Variants in USP25 observed in about 807,000 individuals in gnomAD.
The protein encoded by USP25 is ubiquitin carboxyl-terminal hydrolase 25.
USP25 carries 85 observed loss-of-function variants against 158.5 expected under a neutral mutation model. The observed-to-expected ratio is 0.54, with a 90% CI of 0.45 to 0.64. USP25 has a LOEUF of 0.64. Among genes scored for constraint, USP25 ranks in the 30% least tolerant of loss-of-function variants. USP25 has a pLI of 0.00. For missense variants in USP25, 1,242 were observed against 1,327.3 expected (o/e 0.94, Z 1.00); for synonymous variants, 464 against 460.4 (o/e 1.01, Z -0.10).
chr21:15,831,304 A>T, intron 15 of USP25, 97 bp from the exon 16 acceptor site: 1 of 1,148,790 alleles, frequency 8.7e-7, no homozygotes, highest in Non-Finnish European at 1.3e-6. Flanking sequence ...AAATGCTCTT[A>T]TGGTTTTCTC....
At chr21:15,851,444 GCTCT>G (rs750289839) in intron 20 of USP25, among the ~76,000 whole-genome samples, 202 of 151,772 alleles carry the variant, frequency 1.3e-3, no homozygotes, top group Non-Finnish European at 2.4e-3. Context: ...TGAATGATGA[GCTCT>G]CTTTCTTTTC....
At chr21:15,798,566 A>C (rs1192926487) in intron 5 of USP25, among the ~76,000 whole-genome samples, 1 of 151,258 alleles carries the variant, frequency 6.6e-6, no homozygotes, top group Non-Finnish European at 1.5e-5. Flanking sequence ...AGCAGTCACA[A>C]GACTGTAATC....
chr21:15,774,146 A>G (rs2034508874), intron 3 of USP25, among the ~76,000 whole-genome samples: 6 of 152,216 alleles, frequency 3.9e-5, no homozygotes. Context: ...TCGAAATCAC[A>G]TCAGTTATTC....
chr21:15,758,630 A>G (rs1287376899), intron 1 of USP25, among the ~76,000 whole-genome samples: 2 of 152,172 alleles, frequency 1.3e-5, no homozygotes, highest in African/African-American at 4.8e-5. Flanking sequence ...CATGCTGCTA[A>G]TAAAGACATA....
chr21:15,796,499 G>T (rs74801911), intron 5 of USP25, among the ~76,000 whole-genome samples: 1 of 151,374 alleles, frequency 6.6e-6, no homozygotes, highest in Non-Finnish European at 1.5e-5. Context: ...TGACTGCTGC[G>T]TAGTTGAGGA....
At chr21:15,794,237 C>T (rs1178857114) in intron 5 of USP25, among the ~76,000 whole-genome samples, 2 of 151,378 alleles carry the variant, frequency 1.3e-5, no homozygotes, top group East Asian at 3.9e-4. Flanking sequence ...GCTTTGCATA[C>T]TTATTATTTT....
In USP25 at chr21:15,739,652, T is replaced by C. The variant is rs149498829; in HGVS notation, c.45+9214T>C. Among the ~76,000 whole-genome samples the C allele has an allele frequency of 4.9e-4, 75 of 152,324 alleles. 1 individual carries two copies. Among genetic ancestry groups the C allele is most frequent in the Non-Finnish European group, 9.4e-4 (64 of 68,032 alleles). ...TACAGGGTCTTTCTTCCCCTGACAC[T>C]GGCATAATTTTACTCTCTAATGTCA... On this transcript the variant is annotated intron_variant, in intron 1 of 25. Transcript: ENST00000400183.
At chr21:15,828,330 C>A (rs1240908716) in intron 14 of USP25, among the ~76,000 whole-genome samples, 1 of 152,156 alleles carries the variant, frequency 6.6e-6, no homozygotes, top group Non-Finnish European at 1.5e-5. Context: ...ATTTTCTACT[C>A]CTCATGGCAG....
chr21:15,858,761 T>C (rs996306708), intron 20 of USP25, among the ~76,000 whole-genome samples: 4 of 152,092 alleles, frequency 2.6e-5, no homozygotes, highest in African/African-American at 9.7e-5. Flanking sequence ...TTTAGTATTA[T>C]GTATAATGTG....
chr21:15,865,095 T>G (rs1419305088), intron 21 of USP25, among the ~76,000 whole-genome samples: 1 of 152,148 alleles, frequency 6.6e-6, no homozygotes, highest in Non-Finnish European at 1.5e-5. Context: ...AAATATTCTA[T>G]AGAATATTTC....
chr21:15,863,878 T>C (rs900740914), intron 20 of USP25, among the ~76,000 whole-genome samples: 1 of 151,698 alleles, frequency 6.6e-6, no homozygotes, highest in Admixed American at 6.6e-5. Flanking sequence ...CTACTAAAAA[T>C]ACAAAAAATT....
chr21:15,765,124 G>A lies in USP25; in HGVS notation c.124-873G>A, dbSNP rs1387370342. Among the ~76,000 whole-genome samples, 3 of 152,178 alleles carry A rather than the reference G, an allele frequency of 2.0e-5. No homozygotes were observed. In the East Asian group the frequency reaches 5.8e-4, roughly 29 times the overall value. On this transcript the variant is annotated intron_variant, in intron 2 of 25. Coordinates refer to ENST00000400183, the MANE Select transcript of USP25 (RefSeq NM_001283041.3). ...GGCTTCTTATTACACCCGTGTGCATGTCTAAGTTCTTAGGGAACCTACAGA... is the reference window on the plus strand; with the variant it reads ...GGCTTCTTATTACACCCGTGTGCATATCTAAGTTCTTAGGGAACCTACAGA...
At chr21:15,800,696 G>A (rs1385825071) in intron 6 of USP25, among the ~76,000 whole-genome samples, 1 of 151,476 alleles carries the variant, frequency 6.6e-6, no homozygotes, top group African/African-American at 2.4e-5. Flanking sequence ...TTATTGCCAA[G>A]GCAAGGGAGT....
intron 5 of USP25, among the ~76,000 whole-genome samples, chr21:15,798,713 A>T (rs971102659): frequency 4.0e-5 from 6 of 150,668 alleles, no homozygotes; most frequent in African/African-American, 7.3e-5. Context: ...ACAAGATAAA[A>T]TTTTTTTTTA....
rs562234477 is a variant in USP25, at chr21:15,831,654, AT to A, written c.1993+30del. ...GGTAAGAATATATAGGGTGGTGTGT[AT>A]TTTTAAATAGTCATAAAAGTGGCTC... On this transcript the variant is annotated intron_variant, in intron 16 of 25. Coordinates refer to ENST00000400183, the MANE Select transcript of USP25 (RefSeq NM_001283041.3). 837 of 1,590,440 alleles carry A rather than the reference AT, an allele frequency of 5.3e-4. 7 individuals carry two copies. The African/African-American group carries it at 0.01, about 20-fold the overall frequency.
At chr21:15,760,763 T>TC (rs2033676095) in intron 1 of USP25, among the ~76,000 whole-genome samples, 1 of 152,188 alleles carries the variant, frequency 6.6e-6, no homozygotes, top group Non-Finnish European at 1.5e-5. Context: ...TAACTTTTTT[T>TC]CTCCCCAAAC....
At chr21:15,860,973 TATAGAG>T (rs991059531) in intron 20 of USP25, among the ~76,000 whole-genome samples, 28 of 142,488 alleles carry the variant, frequency 2.0e-4, no homozygotes, top group African/African-American at 5.7e-4. Flanking sequence ...TATATATATA[TATAGAG>T]AGAGAGAGAG....
At chr21:15,805,813 A>C (rs1262634100) in intron 7 of USP25, among the ~76,000 whole-genome samples, 1 of 152,092 alleles carries the variant, frequency 6.6e-6, no homozygotes, top group Non-Finnish European at 1.5e-5. Flanking sequence ...GAAGGAAAAC[A>C]GAGGAAAAAA....
At chr21:15,828,576 G>T (rs1360121200) in intron 14 of USP25, among the ~76,000 whole-genome samples, 1 of 152,208 alleles carries the variant, frequency 6.6e-6, no homozygotes. Flanking sequence ...AAAGCAGTGG[G>T]CAAAGAGGTT....
Sources: allele counts gnomAD v4.1 joint callset (sites outside exome capture counted in the v4.1 genomes callset), GRCh38; gene constraint gnomAD v4.1.1; transcripts MANE v1.5; gene names NCBI Gene and HGNC (gene_info 2026-07-23, HGNC 2026-07-21).